NKAIN2: variants seen among roughly 807,000 people sequenced by gnomAD.
NKAIN2 encodes the protein sodium/potassium transporting ATPase interacting 2.
In NKAIN2, 14 loss-of-function variants were observed where a neutral mutation model predicts 32.6. The observed-to-expected ratio is 0.43, with a 90% confidence interval of 0.28 to 0.67. The LOEUF (loss-of-function observed/expected upper bound fraction) is 0.67. Ranked by LOEUF, NKAIN2 falls within the 30% of genes least tolerant of loss-of-function variation. The pLI is 0.17. For synonymous variants in NKAIN2, 80 were observed against 87.2 expected, an observed-to-expected ratio of 0.92 and a Z score of 0.46; for missense variants, 198 against 258.3, an observed-to-expected ratio of 0.77 and a Z score of 1.60.
intron 3 of NKAIN2, 117 bp from the exon 4 acceptor site, chr6:124,658,068 GA>G (rs796178278): frequency 1.2e-3 from 797 of 655,570 alleles, no homozygotes; most frequent in Admixed American, 2.0e-3. Context: ...CATGGGGTAG[GA>G]AAAAAAAAAC....
intron 3 of NKAIN2, among the ~76,000 whole-genome samples, chr6:124,619,896 T>C (rs1206618806): frequency 2.0e-5 from 3 of 152,214 alleles, no homozygotes; most frequent in Non-Finnish European, 4.4e-5. Context: ...CTCTGCCGCT[T>C]ATTTGCAATG....
intron 4 of NKAIN2, among the ~76,000 whole-genome samples, chr6:124,754,659 G>GA (rs1250451122): frequency 6.6e-6 from 1 of 152,036 alleles, no homozygotes; most frequent in Non-Finnish European, 1.5e-5. Flanking sequence ...CGGCTGTGGA[G>GA]AAAAAAGAAG....
At chr6:124,800,764 G>T (rs1283297634) in intron 5 of NKAIN2, among the ~76,000 whole-genome samples, 2 of 152,146 alleles carry the variant, frequency 1.3e-5, no homozygotes, top group African/African-American at 2.4e-5. Flanking sequence ...ATTCATTTTT[G>T]AGTATAATAA....
intron 3 of NKAIN2, among the ~76,000 whole-genome samples, chr6:124,565,739 A>G (rs1037798669): frequency 2.6e-5 from 4 of 152,212 alleles, no homozygotes; most frequent in African/African-American, 7.2e-5. Context: ...TGAGTGAGAC[A>G]GGAAATCGTT....
At chr6:124,124,947 G>A (rs546715737) in intron 1 of NKAIN2, among the ~76,000 whole-genome samples, 30 of 152,214 alleles carry the variant, frequency 2.0e-4, no homozygotes, top group Non-Finnish European at 3.1e-4. Context: ...ACAGGTCATA[G>A]GTAAATATGA....
At chr6:124,744,271 C>T (rs1270533016) in intron 4 of NKAIN2, among the ~76,000 whole-genome samples, 1 of 151,726 alleles carries the variant, frequency 6.6e-6, no homozygotes, top group African/African-American at 2.4e-5. Flanking sequence ...GAAACGTGGA[C>T]AATATCTTAC....
chr6:123,870,288 A>G (rs1012770889), intron 1 of NKAIN2, among the ~76,000 whole-genome samples: 3 of 152,054 alleles, frequency 2.0e-5, no homozygotes, highest in African/African-American at 7.2e-5. Context: ...TGTTGGGGGG[A>G]GTTGGGGAAG....
chr6:123,836,691 G>A (rs143485583), intron 1 of NKAIN2, among the ~76,000 whole-genome samples: 121 of 151,910 alleles, frequency 8.0e-4, no homozygotes, highest in African/African-American at 2.0e-3. Flanking sequence ...TCTGAATTAT[G>A]TCTGTAGTTT....
intron 5 of NKAIN2, among the ~76,000 whole-genome samples, chr6:124,811,821 C>T (rs953285981): frequency 1.3e-5 from 2 of 152,084 alleles, no homozygotes; most frequent in African/African-American, 4.8e-5. Context: ...TATCAAATTG[C>T]ACACATTAAA....
intron 5 of NKAIN2, among the ~76,000 whole-genome samples, chr6:124,812,603 G>T (rs1457741321): frequency 2.0e-5 from 3 of 152,086 alleles, no homozygotes; most frequent in Non-Finnish European, 4.4e-5. Context: ...ATCCCAGCAA[G>T]TCCCCAATTT....
chr6:124,257,309 C>G (rs1793997916), intron 1 of NKAIN2, among the ~76,000 whole-genome samples: 1 of 152,138 alleles, frequency 6.6e-6, no homozygotes, highest in African/African-American at 2.4e-5. Flanking sequence ...AAACTCCTAA[C>G]TGATGGAGCC....
chr6:124,350,575 T>C (rs950813715), intron 2 of NKAIN2, among the ~76,000 whole-genome samples: 6 of 152,188 alleles, frequency 3.9e-5, no homozygotes, highest in Non-Finnish European at 7.3e-5. Flanking sequence ...TCTGTAGCAC[T>C]AGGGTGGATT....
At chr6:124,818,958 C>T (rs1234961851) in intron 6 of NKAIN2, 2 of 153,958 alleles carry the variant, frequency 1.3e-5, no homozygotes, top group South Asian at 2.1e-4. Context: ...TACACTTTCT[C>T]TATCATTTTT....
intron 1 of NKAIN2, among the ~76,000 whole-genome samples, chr6:124,010,906 G>A (rs1287408374): frequency 6.6e-6 from 1 of 152,046 alleles, no homozygotes; most frequent in Non-Finnish European, 1.5e-5. Flanking sequence ...GTTAATTTCA[G>A]CAATGATCAA....
chr6:124,020,341 G>A (rs557187271), intron 1 of NKAIN2, among the ~76,000 whole-genome samples: 107 of 152,188 alleles, frequency 7.0e-4, no homozygotes, highest in African/African-American at 2.2e-3. Flanking sequence ...ACATTGAGAC[G>A]TTTATTGGAT....
chr6:124,772,453 G>A (rs939868366), intron 4 of NKAIN2, among the ~76,000 whole-genome samples: 1 of 152,132 alleles, frequency 6.6e-6, no homozygotes, highest in African/African-American at 2.4e-5. Flanking sequence ...GATGCCGAGT[G>A]GGCAGCTGCA....
intron 2 of NKAIN2, among the ~76,000 whole-genome samples, chr6:124,302,680 AG>A (rs1337389764): frequency 1.3e-5 from 2 of 152,204 alleles, no homozygotes; most frequent in African/African-American, 2.4e-5. Flanking sequence ...GGTATGTAAA[AG>A]GTATGCAATA....
At chr6:124,687,297 T>C (rs1022058216) in intron 4 of NKAIN2, among the ~76,000 whole-genome samples, 21 of 143,558 alleles carry the variant, frequency 1.5e-4, no homozygotes, top group African/African-American at 5.3e-4. Context: ...ATATATATTC[T>C]ATATATAGAG....
intron 1 of NKAIN2, among the ~76,000 whole-genome samples, chr6:124,270,179 G>A (rs145621942): frequency 1.2e-3 from 185 of 152,276 alleles, no homozygotes; most frequent in African/African-American, 4.2e-3. Flanking sequence ...TGCTTGACAG[G>A]AAACAGCTGA....
Sources: gnomAD v4.1 joint callset for allele counts (sites outside exome capture counted in the v4.1 genomes callset) on GRCh38, gnomAD v4.1.1 for gene constraint, MANE v1.5 for transcripts, NCBI Gene and HGNC (gene_info 2026-07-23, HGNC 2026-07-21) for gene names.